Variants in FAT3 observed in about 807,000 individuals in gnomAD.
The protein encoded by FAT3 is FAT atypical cadherin 3, also known as protocadherin Fat 3.
FAT3 carries 95 observed loss-of-function variants against 310.2 expected under a neutral mutation model. The observed-to-expected ratio is 0.31, with a 90% CI of 0.26 to 0.36. The LOEUF (loss-of-function observed/expected upper bound fraction) is 0.36, where lower values mean the gene tolerates loss of function less well. Ranked by LOEUF, FAT3 falls within the 10% of genes least tolerant of loss-of-function variation. FAT3 has a pLI of 1.00. For synonymous variants in FAT3, 2,314 were observed against 2,192.9 expected (o/e 1.06, Z -1.54); for missense variants, 5,408 against 5,715.6 (o/e 0.95, Z 1.74).
chr11:92,708,812 G>A (rs1343794778), intron 4 of FAT3, among the ~76,000 whole-genome samples: 1 of 152,176 alleles, frequency 6.6e-6, no homozygotes, highest in South Asian at 2.1e-4. Context: ...AATCCCAAAA[G>A]CTTAGAGATT....
chr11:92,243,447 T>A (rs1353780045), intron 1 of FAT3, among the ~76,000 whole-genome samples: 1 of 152,086 alleles, frequency 6.6e-6, no homozygotes, highest in Non-Finnish European at 1.5e-5. Flanking sequence ...GAAATGTTTT[T>A]TGTTGAAAGC....
Position 92,804,341 on chromosome 11 carries a change from T to C in FAT3, c.8897-812T>C, listed in dbSNP as rs117885920. ...CTTTCTCGGTGTCTGAAATGACATT[T>C]TTCCCTTCTTACGGATTACATCAAG... is the stretch of plus-strand genomic sequence containing the variant. On this transcript the variant is annotated intron_variant, in intron 10 of 27. Transcript: ENST00000525166. 2.8e-4 allele frequency among the ~76,000 whole-genome samples: 43 copies of C among 152,096 alleles called. 1 individual carries two copies. The East Asian group carries it at 8.2e-3, about 29-fold the overall frequency.
intron 3 of FAT3, among the ~76,000 whole-genome samples, chr11:92,583,663 C>T (rs1229942875): frequency 6.6e-6 from 1 of 151,982 alleles, no homozygotes; most frequent in Non-Finnish European, 1.5e-5. Flanking sequence ...GCCTCTAAAG[C>T]TCCAAAAGGA....
At chr11:92,741,128 A>C (rs1945495744) in intron 4 of FAT3, among the ~76,000 whole-genome samples, 1 of 152,146 alleles carries the variant, frequency 6.6e-6, no homozygotes, top group Non-Finnish European at 1.5e-5. Flanking sequence ...TGCAGCCTGC[A>C]CTTTTTGTGC....
At chr11:92,503,104 G>C (rs533887352) in intron 2 of FAT3, among the ~76,000 whole-genome samples, 1 of 152,188 alleles carries the variant, frequency 6.6e-6, no homozygotes, top group Non-Finnish European at 1.5e-5. Flanking sequence ...TCAGTTCACA[G>C]TCCCTTGGTG....
At position 92,890,483 on chromosome 11, in the gene FAT3, T is replaced by G; in HGVS notation, c.13148-8T>G. 6.2e-7 allele frequency: 1 copy of G among 1,601,322 alleles called. No individual in the cohort carries two copies. The highest frequency in any genetic ancestry group is 8.5e-7 in the Non-Finnish European group (1 of 1,172,852). On this transcript the variant is annotated splice_polypyrimidine_tract_variant and splice_region_variant and intron_variant, in intron 27 of 27. Transcript: ENST00000525166. ...AGGAAATTAACTGTCATGGTTTTTC[T>G]CTTGCAGCCTATCACTGGGACACCT...
chr11:92,487,954 A>G (rs1022196187), intron 2 of FAT3, among the ~76,000 whole-genome samples: 7 of 152,168 alleles, frequency 4.6e-5, no homozygotes, highest in African/African-American at 1.7e-4. Flanking sequence ...CCTTGGTATA[A>G]TCCCCTTCTC....
intron 2 of FAT3, among the ~76,000 whole-genome samples, chr11:92,361,549 A>C (rs749499175): frequency 6.6e-6 from 1 of 152,202 alleles, no homozygotes; most frequent in Non-Finnish European, 1.5e-5. Context: ...AGCAGGCAGC[A>C]TCTGTGAGGA....
chr11:92,290,663 T>C (rs1402634633), intron 1 of FAT3, among the ~76,000 whole-genome samples: 1 of 151,354 alleles, frequency 6.6e-6, no homozygotes, highest in Non-Finnish European at 1.5e-5. Context: ...ACTCAGGAGA[T>C]TGAGGCAGGA....
At chr11:92,598,620 G>T (rs981695529) in intron 3 of FAT3, among the ~76,000 whole-genome samples, 1 of 152,138 alleles carries the variant, frequency 6.6e-6, no homozygotes, top group Non-Finnish European at 1.5e-5. Flanking sequence ...GCTCAGAAAG[G>T]TTATGTAACT....
chr11:92,367,163 G>C, intron 2 of FAT3: 1 of 379,748 alleles, frequency 2.6e-6, no homozygotes, highest in Non-Finnish European at 5.2e-6. Context: ...GCTGGGCTCA[G>C]GTTGGCATTG....
intron 1 of FAT3, among the ~76,000 whole-genome samples, chr11:92,319,618 A>G (rs984784057): frequency 1.2e-4 from 19 of 152,232 alleles, no homozygotes; most frequent in Non-Finnish European, 2.8e-4. Context: ...TGGGTGAGAC[A>G]TAGTTCCTAC....
intron 2 of FAT3, among the ~76,000 whole-genome samples, chr11:92,406,352 A>T (rs1031648618): frequency 4.7e-4 from 72 of 152,268 alleles, no homozygotes; most frequent in African/African-American, 1.7e-3. Context: ...GTTATTAGAG[A>T]ACTAGATATA....
intron 2 of FAT3, chr11:92,367,149 GC>G (rs1423935798): frequency 1.5e-5 from 6 of 393,486 alleles, no homozygotes. Context: ...CCTTCTCGTG[GC>G]CTGCTGGGCT....
At chr11:92,264,357 A>G (rs1945874888) in intron 1 of FAT3, among the ~76,000 whole-genome samples, 1 of 152,100 alleles carries the variant, frequency 6.6e-6, no homozygotes, top group South Asian at 2.1e-4. Context: ...ATCAGTTTCC[A>G]CATTTGAAGA....
At chr11:92,501,517 G>A (rs181589737) in intron 2 of FAT3, among the ~76,000 whole-genome samples, 14 of 152,056 alleles carry the variant, frequency 9.2e-5, no homozygotes, top group East Asian at 5.8e-4. Context: ...ATTAAATGGC[G>A]GTATTCATGT....
chr11:92,525,076 C>A, intron 3 of FAT3, 128 bp downstream of exon 3: 1 of 823,600 alleles, frequency 1.2e-6, no homozygotes, highest in Non-Finnish European at 1.9e-6. Flanking sequence ...AGAATGGTTT[C>A]TGAAAAGGTG....
intron 2 of FAT3, among the ~76,000 whole-genome samples, chr11:92,375,525 C>CTTACAGAGATGAAG (rs11272665): frequency 1.3e-5 from 2 of 151,840 alleles, no homozygotes; most frequent in Non-Finnish European, 2.9e-5. Flanking sequence ...GAAGATGAGA[C>CTTACAGAGATGAAG]TTATTTTCCC....
At position 92,501,628 on chromosome 11, in the gene FAT3, T is replaced by C. The variant is rs976202998; in HGVS notation, c.3293-23006T>C. Reference sequence around the variant, plus strand: ...AGTGTATGCATGTGCGCATGCCTGTTTTCCTCCTGTCTTTCTCTCTTCTTT... The same window carrying C: ...AGTGTATGCATGTGCGCATGCCTGTCTTCCTCCTGTCTTTCTCTCTTCTTT... On this transcript the variant is annotated intron_variant, in intron 2 of 27. Transcript: ENST00000525166. Among the ~76,000 whole-genome samples, 5 of 151,806 alleles carry C rather than the reference T, an allele frequency of 3.3e-5. No individual in the cohort carries two copies. In the South Asian group the frequency reaches 6.2e-4, roughly 19 times the overall value.
Sources: gnomAD v4.1 joint callset for allele counts (sites outside exome capture counted in the v4.1 genomes callset) on GRCh38, gnomAD v4.1.1 for gene constraint, MANE v1.5 for transcripts, NCBI Gene and HGNC (gene_info 2026-07-23, HGNC 2026-07-21) for gene names.